The following ANO10 variants were observed in gnomAD, a reference collection of about 807,000 sequenced individuals.
The protein encoded by ANO10 is anoctamin 10.
In ANO10, 77 loss-of-function variants were observed where a neutral mutation model predicts 74.7. The observed-to-expected ratio is 1.03, with a 90% CI of 0.86 to 1.25. ANO10 has a LOEUF of 1.25. ANO10 is among the 50% of genes most tolerant of loss of function. The pLI, the probability that ANO10 is intolerant of heterozygous loss-of-function variation, is 0.00. For synonymous variants in ANO10, 279 were observed against 284.9 expected, an observed-to-expected ratio of 0.98 and a Z score of 0.21; for missense variants, 721 against 778.1, an observed-to-expected ratio of 0.93 and a Z score of 0.87.
chr3:43,379,633 A>T (rs1020160605), intron 12 of ANO10, among the ~76,000 whole-genome samples: 1 of 152,154 alleles, frequency 6.6e-6, no homozygotes, highest in African/African-American at 2.4e-5. Context: ...CAGCCCTGGA[A>T]ATAAACTCAG....
intron 10 of ANO10, among the ~76,000 whole-genome samples, chr3:43,550,174 G>T (rs960532462): frequency 1.3e-5 from 2 of 152,156 alleles, no homozygotes; most frequent in Non-Finnish European, 1.5e-5. Context: ...AAGTAGGGCT[G>T]CCAGGGAAAA....
At chr3:43,594,891 G>A (rs1351106934) in intron 4 of ANO10, among the ~76,000 whole-genome samples, 1 of 151,986 alleles carries the variant, frequency 6.6e-6, no homozygotes, top group Non-Finnish European at 1.5e-5. Flanking sequence ...AGAAAAGAGA[G>A]AAGAATCAAA....
At chr3:43,615,764 C>T (rs956685505) in intron 1 of ANO10, among the ~76,000 whole-genome samples, 1 of 152,004 alleles carries the variant, frequency 6.6e-6, no homozygotes, top group African/African-American at 2.4e-5. Flanking sequence ...AGCGATTCTC[C>T]TGCCTCAGCC....
intron 4 of ANO10, among the ~76,000 whole-genome samples, chr3:43,590,440 A>T (rs1160421662): frequency 6.6e-6 from 1 of 152,206 alleles, no homozygotes; most frequent in Non-Finnish European, 1.5e-5. Context: ...TAGAGAGGCA[A>T]ATAAAAGAAA....
chr3:43,616,954 G>A (rs564812945), intron 1 of ANO10, among the ~76,000 whole-genome samples: 9 of 151,706 alleles, frequency 5.9e-5, no homozygotes, highest in Admixed American at 5.3e-4. Context: ...GCAGGGTTAT[G>A]GATGTGACAG....
intron 11 of ANO10, among the ~76,000 whole-genome samples, chr3:43,524,670 G>A (rs1250169125): frequency 1.3e-5 from 2 of 152,104 alleles, no homozygotes; most frequent in Non-Finnish European, 2.9e-5. Context: ...CCTCTTGCCT[G>A]TTTCACAGGT....
intron 12 of ANO10, among the ~76,000 whole-genome samples, chr3:43,415,990 T>C (rs1303176368): frequency 3.3e-5 from 5 of 150,354 alleles, no homozygotes; most frequent in African/African-American, 1.2e-4. Flanking sequence ...ACAACTGACA[T>C]TTTAAAAAGT....
chr3:43,403,359 C>T (rs541887900), intron 12 of ANO10, among the ~76,000 whole-genome samples: 6 of 152,238 alleles, frequency 3.9e-5, no homozygotes, highest in Non-Finnish European at 7.3e-5. Flanking sequence ...TGGTCTAATA[C>T]CTAGTGAAGT....
chr3:43,378,491 C>T (rs1340634749), intron 12 of ANO10, among the ~76,000 whole-genome samples: 2 of 152,216 alleles, frequency 1.3e-5, no homozygotes, highest in Admixed American at 6.5e-5. Flanking sequence ...GGGCAGTTTT[C>T]CCCACATCTG....
intron 11 of ANO10, among the ~76,000 whole-genome samples, chr3:43,443,015 A>T (rs2093183765): frequency 6.6e-6 from 1 of 152,210 alleles, no homozygotes; most frequent in African/African-American, 2.4e-5. Flanking sequence ...GTTTAAAAGG[A>T]ATTCTCTGGC....
chr3:43,530,327 A>G (rs1376109575), intron 11 of ANO10, among the ~76,000 whole-genome samples: 2 of 151,258 alleles, frequency 1.3e-5, no homozygotes, highest in East Asian at 1.9e-4. Context: ...AACCAAAACA[A>G]GTGAACGAAA....
chr3:43,678,467 GT>G, intron 1 of ANO10, among the ~76,000 whole-genome samples: 1 of 152,294 alleles, frequency 6.6e-6, no homozygotes, highest in East Asian at 1.9e-4. Flanking sequence ...AACAGGTTAT[GT>G]TATCTATAGA....
At position 43,663,336 on chromosome 3, in the gene ANO10, A is replaced by G. The variant is rs545575508; in HGVS notation, c.-12+28181T>C. ...GCAGAAAAGGCCTTCAACAAAATTC[A>G]AGAGCCTTTCATGCTAAAAACTCTC... On this transcript the variant is annotated intron_variant, in intron 1 of 3. Coordinates refer to the ANO10 transcript ENST00000413397. Among the ~76,000 whole-genome samples, 9 of 152,344 alleles carry G rather than the reference A, an allele frequency of 5.9e-5. No individual in the cohort carries two copies. The East Asian group carries it at 1.4e-3, about 23-fold the overall frequency.
chr3:43,577,392 G>A (rs1450515170), intron 5 of ANO10, 131 bp from the exon 6 acceptor site: 1 of 903,178 alleles, frequency 1.1e-6, no homozygotes, highest in East Asian at 2.6e-5. Flanking sequence ...AGCGTGTGGT[G>A]GTAAATCTAC....
At chr3:43,562,679 TA>T (rs879371142) in intron 8 of ANO10, among the ~76,000 whole-genome samples, 355 of 139,394 alleles carry the variant, frequency 2.5e-3, no homozygotes, top group Middle Eastern at 3.6e-3. Flanking sequence ...AGACTCCATC[TA>T]AAAAAAAAAA....
intron 1 of ANO10, chr3:43,690,991 C>G (rs370013052): frequency 7.0e-6 from 11 of 1,573,150 alleles, no homozygotes; most frequent in Non-Finnish European, 9.5e-6. Context: ...GCGGCGGCGG[C>G]TATGGCGGCG....
At position 43,596,200 on chromosome 3, in the gene ANO10, T is replaced by C. The variant is rs916736738; in HGVS notation, c.472+2332A>G. On this transcript the variant is annotated intron_variant, in intron 4 of 12. Transcript: ENST00000292246. ...TAGCCATACTGCCCGAGGTAATTTA[T>C]AGATTCAATGCCATCCCCATCAAGC... 5.9e-5 allele frequency among the ~76,000 whole-genome samples: 9 copies of C among 152,282 alleles called. No individual in the cohort carries two copies. In the East Asian group the frequency reaches 7.7e-4, roughly 13 times the overall value.
intron 12 of ANO10, among the ~76,000 whole-genome samples, chr3:43,425,312 A>C (rs554643295): frequency 6.6e-6 from 1 of 151,310 alleles, no homozygotes; most frequent in African/African-American, 2.4e-5. Flanking sequence ...TACAGACATG[A>C]GCCACTGTGC....
intron 11 of ANO10, among the ~76,000 whole-genome samples, chr3:43,468,723 T>TA (rs2149047691): frequency 6.6e-6 from 1 of 151,702 alleles, no homozygotes; most frequent in East Asian, 1.9e-4. Flanking sequence ...TCTTTTTTTT[T>TA]TTTTTGAGAC....
Sources: allele counts gnomAD v4.1 joint callset (sites outside exome capture counted in the v4.1 genomes callset), GRCh38; gene constraint gnomAD v4.1.1; transcripts MANE v1.5; gene names NCBI Gene and HGNC (gene_info 2026-07-23, HGNC 2026-07-21).